The following SYT17 variants were observed in gnomAD, a reference collection of about 807,000 sequenced individuals.
SYT17 encodes the protein synaptotagmin 17, also known as synaptotagmin-17.
In SYT17, 22 loss-of-function variants were observed where a neutral mutation model predicts 46.7. The ratio of observed to expected loss-of-function variants is 0.47; its 90% CI spans 0.34 to 0.67. The LOEUF (loss-of-function observed/expected upper bound fraction) is 0.67. SYT17 is among the 30% of genes least tolerant of loss of function. The pLI is 0.01. For synonymous variants in SYT17, 251 were observed against 248.4 expected, an observed-to-expected ratio of 1.01 and a Z score of -0.10; for missense variants, 519 against 612.8, an observed-to-expected ratio of 0.85 and a Z score of 1.62.
intron 7 of SYT17, among the ~76,000 whole-genome samples, chr16:19,240,086 G>A (rs927405889): frequency 5.9e-5 from 9 of 152,204 alleles, no homozygotes; most frequent in Admixed American, 2.0e-4. Flanking sequence ...ACCTGGCTTG[G>A]GGAGCTCCTG....
chr16:19,186,663 C>T (rs1406719448), intron 5 of SYT17, among the ~76,000 whole-genome samples: 1 of 152,240 alleles, frequency 6.6e-6, no homozygotes, highest in Non-Finnish European at 1.5e-5. Context: ...GACTCAAGTC[C>T]TGGCTGTAAA....
At position 19,232,839 on chromosome 16, in the gene SYT17, T is replaced by C. The variant is rs560740242; in HGVS notation, c.1228+8001T>C. Among the ~76,000 whole-genome samples, 53 of 150,234 alleles carry C rather than the reference T, an allele frequency of 3.5e-4. No homozygotes were observed. In the East Asian group the frequency reaches 8.4e-3, roughly 24 times the overall value. Reference sequence around the variant, plus strand: ...AGAGCCAGTCCCTATCTCAAAAACATAAACAAACAAACAAACAAACAAACA... The same window carrying C: ...AGAGCCAGTCCCTATCTCAAAAACACAAACAAACAAACAAACAAACAAACA... On this transcript the variant is annotated intron_variant, in intron 7 of 7. Transcript: ENST00000355377.
At chr16:19,170,768 C>A (rs1422573210) in intron 1 of SYT17, 1 of 152,162 alleles carries the variant, frequency 6.6e-6, no homozygotes, top group African/African-American at 2.4e-5. Context: ...AAAAGTATCA[C>A]TTTATCCTAA....
chr16:19,206,563 T>C (rs1965678841), intron 5 of SYT17, among the ~76,000 whole-genome samples: 1 of 152,200 alleles, frequency 6.6e-6, no homozygotes, highest in African/African-American at 2.4e-5. Flanking sequence ...CTCACAACTC[T>C]GGAGGCTTAT....
At chr16:19,194,412 G>A (rs578001808) in intron 5 of SYT17, among the ~76,000 whole-genome samples, 1 of 152,292 alleles carries the variant, frequency 6.6e-6, no homozygotes, top group African/African-American at 2.4e-5. Flanking sequence ...TGTCCCAGAT[G>A]TTGCTGGCCC....
At chr16:19,191,511 G>T (rs888937632) in intron 5 of SYT17, among the ~76,000 whole-genome samples, 2 of 152,204 alleles carry the variant, frequency 1.3e-5, no homozygotes, top group Admixed American at 1.3e-4. Flanking sequence ...CTCCAGAAGG[G>T]TGAGAAATAA....
At chr16:19,250,549 A>G (rs1428505309) in intron 7 of SYT17, among the ~76,000 whole-genome samples, 1 of 151,912 alleles carries the variant, frequency 6.6e-6, no homozygotes, top group Non-Finnish European at 1.5e-5. Context: ...AGCTAATTTT[A>G]AATCTTTTTT....
chr16:19,238,455 C>T (rs1966879622), intron 7 of SYT17, among the ~76,000 whole-genome samples: 1 of 152,180 alleles, frequency 6.6e-6, no homozygotes, highest in South Asian at 2.1e-4. Context: ...CTGGCAGAGC[C>T]CCCAGTAGCA....
At chr16:19,262,147 A>G (rs568588370) in intron 7 of SYT17, among the ~76,000 whole-genome samples, 5 of 152,362 alleles carry the variant, frequency 3.3e-5, no homozygotes, top group African/African-American at 9.6e-5. Flanking sequence ...CAGAAAAAGC[A>G]TACAGACCAA....
intron 5 of SYT17, among the ~76,000 whole-genome samples, chr16:19,196,708 C>G (rs1544354): frequency 3.9e-4 from 60 of 152,034 alleles, no homozygotes; most frequent in Non-Finnish European, 2.9e-5. Flanking sequence ...TTTGTTACAA[C>G]TGGTAAACCT....
chr16:19,211,588 T>C, intron 5 of SYT17: 1 of 645,550 alleles, frequency 1.5e-6, no homozygotes, highest in Non-Finnish European at 2.8e-6. Flanking sequence ...TCCCAGGGAA[T>C]AGCAAGTTCA....
At chr16:19,243,187 G>A (rs1029984035) in intron 7 of SYT17, among the ~76,000 whole-genome samples, 1 of 152,144 alleles carries the variant, frequency 6.6e-6, no homozygotes, top group African/African-American at 2.4e-5. Context: ...CAGTAGGGCG[G>A]GCAGTGGGCA....
intron 3 of SYT17, among the ~76,000 whole-genome samples, chr16:19,175,824 C>T (rs892233657): frequency 2.3e-4 from 35 of 152,254 alleles, no homozygotes; most frequent in African/African-American, 6.0e-4. Flanking sequence ...GCAGGCAGAA[C>T]TTGCATCCTG....
chr16:19,180,220 G>A (rs1840276935), intron 3 of SYT17, 171 bp from the exon 4 acceptor site: 3 of 616,844 alleles, frequency 4.9e-6, no homozygotes, highest in South Asian at 4.4e-5. Flanking sequence ...TGTGCAAAAA[G>A]CAAGACGTTG....
At chr16:19,220,924 G>A (rs1322058355) in intron 5 of SYT17, among the ~76,000 whole-genome samples, 3 of 152,032 alleles carry the variant, frequency 2.0e-5, no homozygotes, top group African/African-American at 7.2e-5. Context: ...GGGCATGATG[G>A]CTCATGCCTG....
chr16:19,168,391 G>A lies in SYT17; in HGVS notation c.-256G>A. The A allele has an allele frequency of 1.8e-6, 1 of 554,286 alleles. No individual in the cohort carries two copies. The highest frequency in any genetic ancestry group is 3.2e-6 in the Non-Finnish European group (1 of 316,826). The allele number at this position is 554,286 out of a possible 1,614,324, so 34.3% of individuals were successfully genotyped here. On this transcript the variant is annotated 5_prime_UTR_variant, in exon 1 of 8. Coordinates refer to ENST00000355377, the MANE Select transcript of SYT17 (RefSeq NM_016524.4). This position sits in a 1 kb window ranked among gnomAD's most constrained non-coding sequence, Gnocchi z 6.9. Reference sequence around the variant, plus strand: ...ACGGGACAGCGAGGGAGGCCGAGGCGGGGGCCCTGGGCGCCCGATATCTCC... The same window carrying A: ...ACGGGACAGCGAGGGAGGCCGAGGCAGGGGCCCTGGGCGCCCGATATCTCC...
intron 1 of SYT17, among the ~76,000 whole-genome samples, chr16:19,169,088 G>A (rs1203770148): frequency 6.6e-6 from 1 of 152,062 alleles, no homozygotes; most frequent in Admixed American, 6.5e-5. Flanking sequence ...GCGAGCCTGA[G>A]GCAGCTGTTC....
At chr16:19,214,056 C>T (rs1327097903) in intron 5 of SYT17, among the ~76,000 whole-genome samples, 1 of 152,168 alleles carries the variant, frequency 6.6e-6, no homozygotes, top group East Asian at 1.9e-4. Context: ...TCTCTACCCA[C>T]TAGATGCCAG....
Position 19,214,980 on chromosome 16 carries a change from G to A in SYT17, c.952-8065G>A, listed in dbSNP as rs559037397. ...TTTTTGTATTTCTAGTAGAGACGGG[G>A]TTTCACCATGTTGGCCAGACTGATC... On this transcript the variant is annotated intron_variant, in intron 5 of 7. Coordinates refer to ENST00000355377, the MANE Select transcript of SYT17 (RefSeq NM_016524.4). Among the ~76,000 whole-genome samples, 41 of 152,114 alleles carry A rather than the reference G, an allele frequency of 2.7e-4. No individual in the cohort carries two copies. The South Asian group carries it at 8.5e-3, about 32-fold the overall frequency.
Sources: gnomAD v4.1 joint callset for allele counts (sites outside exome capture counted in the v4.1 genomes callset) on GRCh38, gnomAD v4.1.1 for gene constraint, Gnocchi (gnomAD v3.1) non-coding constraint, MANE v1.5 for transcripts, NCBI Gene and HGNC (gene_info 2026-07-23, HGNC 2026-07-21) for gene names.